The following PADI4 variants were observed in gnomAD, a reference collection of about 807,000 sequenced individuals.
PADI4 encodes peptidyl arginine deiminase 4.
PADI4 carries 62 observed loss-of-function variants against 75.0 expected under a neutral mutation model. The ratio of observed to expected loss-of-function variants is 0.83; its 90% CI spans 0.67 to 1.02. The LOEUF is 1.02. PADI4 is among the 50% of genes least tolerant of loss of function. The pLI, the probability that PADI4 is intolerant of heterozygous loss-of-function variation, is 0.00. For synonymous variants in PADI4, 361 were observed against 348.1 expected, an observed-to-expected ratio of 1.04 and a Z score of -0.41; for missense variants, 845 against 850.5, an observed-to-expected ratio of 0.99 and a Z score of 0.08.
In PADI4 at chr1:17,352,067, T is replaced by C. The variant is rs1225376993; in HGVS notation, c.1156-2466T>C. On this transcript the variant is annotated intron_variant, in intron 10 of 15. Transcript: ENST00000375448. ...AGGCAGTCAGGGAGGTGATGGGAGG[T>C]GGGAAGAGAGGCAGTCAGGGAGGTG... 3.0e-4 allele frequency among the ~76,000 whole-genome samples: 30 copies of C among 101,494 alleles called. 1 individual carries two copies. The highest frequency in any genetic ancestry group is 5.9e-4 in the South Asian group (2 of 3,414). The allele number at this position is 101,494 out of a possible 152,430, so 66.6% of individuals were successfully genotyped here.
At chr1:17,335,506 G>A (rs914385497) in intron 3 of PADI4, among the ~76,000 whole-genome samples, 1 of 152,192 alleles carries the variant, frequency 6.6e-6, no homozygotes, top group Admixed American at 6.5e-5. Context: ...GGTCATCTGG[G>A]TCAGTCTCAT....
At chr1:17,311,771 C>G (rs112596616) in intron 1 of PADI4, among the ~76,000 whole-genome samples, 1 of 152,030 alleles carries the variant, frequency 6.6e-6, no homozygotes, top group Non-Finnish European at 1.5e-5. Flanking sequence ...GTGATCCACC[C>G]GCCTCGGCCT....
chr1:17,347,616 G>C (rs1234453168), intron 9 of PADI4, among the ~76,000 whole-genome samples: 2 of 151,146 alleles, frequency 1.3e-5, no homozygotes, highest in Non-Finnish European at 2.9e-5. Flanking sequence ...TCCTAACCCT[G>C]GTGCCCACTG....
intron 15 of PADI4, among the ~76,000 whole-genome samples, chr1:17,359,655 G>A (rs1237359610): frequency 1.3e-5 from 2 of 152,140 alleles, no homozygotes; most frequent in Non-Finnish European, 2.9e-5. Context: ...GTTCCCCAGG[G>A]GCAGTCCTCA....
intron 15 of PADI4, 128 bp from the exon 16 acceptor site, chr1:17,363,394 A>G: frequency 3.1e-6 from 2 of 646,428 alleles, no homozygotes; most frequent in East Asian, 2.8e-5. Context: ...AAGTGCTGGG[A>G]CTACAGGTCT....
rs1557575995 is a variant in PADI4, at chr1:17,351,952, TGGGAGGAGAGGCGGCCAGGGA to T, written c.1156-2578_1156-2558del. Among the ~76,000 whole-genome samples, 134 of 105,840 alleles carry T rather than the reference TGGGAGGAGAGGCGGCCAGGGA, an allele frequency of 1.3e-3. 3 individuals carry two copies. The Middle Eastern group carries it at 0.024, about 19-fold the overall frequency. The allele number at this position is 105,840 out of a possible 152,430, so 69.4% of individuals were successfully genotyped here. A position where few individuals can be genotyped will look rare whatever the true frequency, so the allele number is the denominator to read the frequency against. ...AGGCGGTCAGGGAGGTGATGGGAGG[TGGGAGGAGAGGCGGCCAGGGA>T]GGTGATGGGAGGAGAGGCAGTCAGG... On this transcript the variant is annotated intron_variant, in intron 10 of 15. Transcript: ENST00000375448.
intron 10 of PADI4, among the ~76,000 whole-genome samples, chr1:17,353,948 G>C (rs1460585752): frequency 6.6e-6 from 1 of 152,060 alleles, no homozygotes. Flanking sequence ...AATTTTAAGA[G>C]AATAAATGTG....
At chr1:17,334,985 T>TA (rs1040251342) in intron 3 of PADI4, among the ~76,000 whole-genome samples, 27 of 149,776 alleles carry the variant, frequency 1.8e-4, no homozygotes, top group South Asian at 8.4e-4. Context: ...CTACAAAAAA[T>TA]AAAAAAAAAC....
chr1:17,331,229 A>ACGG, intron 2 of PADI4, 80 bp downstream of exon 2: 1 of 1,246,094 alleles, frequency 8.0e-7, no homozygotes, highest in Non-Finnish European at 1.1e-6. Flanking sequence ...GCCGTGATCC[A>ACGG]CAGCACCAGC....
At chr1:17,327,638 T>C (rs987446206) in intron 1 of PADI4, among the ~76,000 whole-genome samples, 14 of 151,766 alleles carry the variant, frequency 9.2e-5, no homozygotes, top group African/African-American at 3.4e-4. Flanking sequence ...GCCTCTCGGG[T>C]TCAAGCAATT....
intron 2 of PADI4, among the ~76,000 whole-genome samples, chr1:17,332,243 A>G (rs969207350): frequency 6.6e-6 from 1 of 151,796 alleles, no homozygotes; most frequent in Non-Finnish European, 1.5e-5. Flanking sequence ...TCCTCATCTC[A>G]AGATCCTTTT....
At chr1:17,352,396 G>A (rs906466692) in intron 10 of PADI4, among the ~76,000 whole-genome samples, 13 of 152,116 alleles carry the variant, frequency 8.5e-5, no homozygotes, top group African/African-American at 3.1e-4. Context: ...AATCATCACA[G>A]GGTCTTAAAC....
At chr1:17,315,131 G>T (rs1347519867) in intron 1 of PADI4, among the ~76,000 whole-genome samples, 1 of 152,204 alleles carries the variant, frequency 6.6e-6, no homozygotes, top group Non-Finnish European at 1.5e-5. Flanking sequence ...GTAGAATGAC[G>T]TCCTTGTCAA....
chr1:17,328,262 A>G (rs1209741899), intron 1 of PADI4, among the ~76,000 whole-genome samples: 1 of 151,980 alleles, frequency 6.6e-6, no homozygotes, highest in Non-Finnish European at 1.5e-5. Context: ...GGGTGCAAAC[A>G]ATCCTCCTGC....
intron 15 of PADI4, among the ~76,000 whole-genome samples, chr1:17,361,018 C>G (rs1279021543): frequency 2.6e-5 from 4 of 152,198 alleles, no homozygotes; most frequent in Non-Finnish European, 5.9e-5. Flanking sequence ...GAGGCAGAGA[C>G]TTCACCCGGT....
At chr1:17,363,451 G>A in intron 15 of PADI4, 71 bp from the exon 16 acceptor site, 1 of 1,034,914 alleles carries the variant, frequency 9.7e-7, no homozygotes. Flanking sequence ...GTCAGAGAAG[G>A]GTGGGGCCGC....
At chr1:17,355,241 G>T (rs897121066) in intron 11 of PADI4, among the ~76,000 whole-genome samples, 1 of 152,228 alleles carries the variant, frequency 6.6e-6, no homozygotes, top group Non-Finnish European at 1.5e-5. Flanking sequence ...TGCAAGGCCA[G>T]GATGGCTAGA....
chr1:17,308,865 G>A (rs1349542290), intron 1 of PADI4, among the ~76,000 whole-genome samples: 1 of 152,112 alleles, frequency 6.6e-6, no homozygotes, highest in Non-Finnish European at 1.5e-5. Flanking sequence ...TGCCTCATCT[G>A]TGAAATGGGG....
At chr1:17,353,440 C>T (rs758240264) in intron 10 of PADI4, among the ~76,000 whole-genome samples, 1 of 152,088 alleles carries the variant, frequency 6.6e-6, no homozygotes, top group Non-Finnish European at 1.5e-5. Flanking sequence ...AGATCACAGA[C>T]CTCCTTAAGA....
Sources: allele counts gnomAD v4.1 joint callset (sites outside exome capture counted in the v4.1 genomes callset), GRCh38; gene constraint gnomAD v4.1.1; transcripts MANE v1.5; gene names NCBI Gene and HGNC (gene_info 2026-07-23, HGNC 2026-07-21).